PEX1: variants seen among roughly 807,000 people sequenced by gnomAD.
PEX1 encodes peroxisomal ATPase PEX1.
PEX1 carries 97 observed loss-of-function variants against 152.5 expected under a neutral mutation model. The observed-to-expected ratio is 0.64, with a 90% CI of 0.54 to 0.75. The LOEUF is 0.75. Ranked by LOEUF, PEX1 falls within the 30% of genes least tolerant of loss-of-function variation. PEX1 has a pLI of 0.00. For synonymous variants in PEX1, 485 were observed against 531.6 expected, an observed-to-expected ratio of 0.91 and a Z score of 1.21; for missense variants, 1,357 against 1,516.3, an observed-to-expected ratio of 0.89 and a Z score of 1.74.
Position 92,513,920 on chromosome 7 carries a change from T to G in PEX1, c.1287A>C (p.Val429=). The G allele has an allele frequency of 6.3e-7, 1 of 1,593,710 alleles. No homozygotes were observed. Among genetic ancestry groups the G allele is most frequent in the Non-Finnish European group, 8.6e-7 (1 of 1,162,280 alleles). Residue 429 remains valine (V), a synonymous_variant, in exon 6 of 24, where the codon GTA becomes GTC. Coordinates refer to ENST00000248633, the MANE Select transcript of PEX1 (RefSeq NM_000466.3). The part of the protein sequence containing the change: ...RKRLNIEMHA[V]VRITPVEVTP... Reference sequence around the variant, plus strand: ...TAACTTCCACTGGAGTTATCCTGACTACGGCATGCATTTCTATATTTAGTC... The same window carrying G: ...TAACTTCCACTGGAGTTATCCTGACGACGGCATGCATTTCTATATTTAGTC...
At position 92,511,560 on chromosome 7, in the gene PEX1, A is replaced by G; in HGVS notation, c.1483+20T>C. 1 of 1,599,238 alleles carries G rather than the reference A, an allele frequency of 6.3e-7. No homozygotes were observed. The highest frequency in any genetic ancestry group is 8.6e-7 in the Non-Finnish European group (1 of 1,169,088). On this transcript the variant is annotated intron_variant, in intron 7 of 23. Coordinates refer to ENST00000248633, the MANE Select transcript of PEX1 (RefSeq NM_000466.3). ...AACTATTTAAATAGAAAAAAAAGTC[A>G]AAATAACAAATGTACTCACCATCTT...
chr7:92,509,478 C>G, intron 8 of PEX1, 67 bp from the exon 9 acceptor site: 15 of 1,118,522 alleles, frequency 1.3e-5, no homozygotes, highest in Non-Finnish European at 1.9e-5. Context: ...TTCTCGGGTC[C>G]CAGAAAACTA....
At chr7:92,511,840 G>C in intron 6 of PEX1, 137 bp from the exon 7 acceptor site, 1 of 767,694 alleles carries the variant, frequency 1.3e-6, no homozygotes, top group Non-Finnish European at 2.1e-6. Context: ...ATGTTCTATA[G>C]GCACAGGTCT....
At chr7:92,500,393 A>G (rs1234912255) in intron 15 of PEX1, among the ~76,000 whole-genome samples, 3 of 152,142 alleles carry the variant, frequency 2.0e-5, no homozygotes, top group African/African-American at 4.8e-5. Flanking sequence ...AGGTATGCCT[A>G]TTTAGTTCCC....
chr7:92,489,768 ATC>A lies in PEX1; in HGVS notation c.3580_3581del (p.Asp1194SerfsTer36), dbSNP rs1160117945. On this transcript the variant is annotated frameshift_variant, in exon 22 of 24. Transcript: ENST00000248633. LOFTEE classifies it high-confidence loss of function. Reference sequence around the variant, plus strand: ...TAATACTGATATCTGCCCTCAGTTGATCTCTTTGTTCTTGTGTAAGTTCTTGG... The same window carrying A: ...TAATACTGATATCTGCCCTCAGTTGATCTTTGTTCTTGTGTAAGTTCTTGG... ...GCQELTQEQR[D>X]QLRADISIIK... 1 of 1,613,956 alleles carries A rather than the reference ATC, an allele frequency of 6.2e-7. No homozygotes were observed. The highest frequency in any genetic ancestry group is 8.5e-7 in the Non-Finnish European group (1 of 1,180,004).
chr7:92,502,966 G>A (rs368234554), intron 13 of PEX1, 75 bp downstream of exon 13: 45 of 1,269,194 alleles, frequency 3.5e-5, no homozygotes, highest in Middle Eastern at 2.0e-4. Context: ...TTAAAGCCAC[G>A]AATTACTAAT....
intron 17 of PEX1, among the ~76,000 whole-genome samples, chr7:92,496,085 G>T (rs369700975): frequency 2.6e-5 from 4 of 152,098 alleles, no homozygotes; most frequent in African/African-American, 7.2e-5. Context: ...AAACTCGGTG[G>T]TGAATACATG....
At position 92,523,403 on chromosome 7, in the gene PEX1, C is replaced by T. The variant is rs140617880; in HGVS notation, c.130-1158G>A. Among the ~76,000 whole-genome samples, 416 of 151,792 alleles carry T rather than the reference C, an allele frequency of 2.7e-3. 2 individuals are homozygous for T. Among genetic ancestry groups the T allele is most frequent in the African/African-American group, 9.3e-3 (385 of 41,394 alleles). On this transcript the variant is annotated intron_variant, in intron 1 of 23. Transcript: ENST00000248633. ...CTGGCACAATCATAGGTCACTGTAA[C>T]TTGAAACTCCTGGGCTCTAGCAATC...
intron 16 of PEX1, among the ~76,000 whole-genome samples, chr7:92,498,119 C>T (rs1325032900): frequency 6.9e-6 from 1 of 144,594 alleles, no homozygotes; most frequent in Non-Finnish European, 1.5e-5. Flanking sequence ...AACAAGGCAA[C>T]AGCCTGGCAC....
At position 92,503,026 on chromosome 7, in the gene PEX1, C is replaced by T. The variant is rs1585233285; in HGVS notation, c.2226+15G>A. 2 of 1,603,602 alleles carry T rather than the reference C, an allele frequency of 1.2e-6. No individual in the cohort carries two copies. Among genetic ancestry groups the T allele is most frequent in the South Asian group, 2.2e-5 (2 of 90,826 alleles). ...AAGGGACATAATTCAATAATCCTTA[C>T]AAGTAGTGTATTACCTGATTAGGAG... On this transcript the variant is annotated intron_variant, in intron 13 of 23. Transcript: ENST00000248633.
chr7:92,515,686 A>C (rs1249702408), intron 5 of PEX1, among the ~76,000 whole-genome samples: 2 of 152,174 alleles, frequency 1.3e-5, no homozygotes, highest in African/African-American at 2.4e-5. Flanking sequence ...CGGACAGTTT[A>C]AAGCTAACAG....
In PEX1 at chr7:92,503,065, G is replaced by A; in HGVS notation, c.2202C>T (p.Val734=). 1 of 1,613,608 alleles carries A rather than the reference G, an allele frequency of 6.2e-7. No individual in the cohort carries two copies. The highest frequency in any genetic ancestry group is 1.1e-5 in the South Asian group (1 of 91,068). ...SAQGVHIFQC[V]QHIQPPNQEQ... is the part of the protein sequence containing the mutation. ...CCTGATTAGGAGGCTGAATGTGTTGGACGCACTGAAATATGTGAACTCCTT... is the reference window on the plus strand; with the variant it reads ...CCTGATTAGGAGGCTGAATGTGTTGAACGCACTGAAATATGTGAACTCCTT... The change falls in exon 13 of 24, where the codon GTC becomes GTT. Residue 734 remains valine, a synonymous_variant. Transcript: ENST00000248633.
chr7:92,527,692 C>T (rs1793348175), intron 1 of PEX1, among the ~76,000 whole-genome samples: 1 of 152,220 alleles, frequency 6.6e-6, no homozygotes, highest in Non-Finnish European at 1.5e-5. Context: ...CGCTGTATCT[C>T]CACCAGTGGT....
At chr7:92,502,207 T>C in intron 13 of PEX1, 128 bp from the exon 14 acceptor site, 1 of 681,022 alleles carries the variant, frequency 1.5e-6, no homozygotes, top group Non-Finnish European at 2.6e-6. Flanking sequence ...TGTCTGGGGA[T>C]GGAGCAGGGG....
chr7:92,505,334 AC>A (rs1275948298), intron 11 of PEX1, among the ~76,000 whole-genome samples: 1 of 150,200 alleles, frequency 6.7e-6, no homozygotes, highest in Non-Finnish European at 1.5e-5. Context: ...AATTGCTTGA[AC>A]CTGGGAGGTG....
chr7:92,524,137 G>T (rs772919239), intron 1 of PEX1, among the ~76,000 whole-genome samples: 1 of 151,854 alleles, frequency 6.6e-6, no homozygotes, highest in Non-Finnish European at 1.5e-5. Flanking sequence ...GCCCAGGCTC[G>T]AGTACAGTGG....
chr7:92,501,403 G>A, intron 15 of PEX1, 104 bp downstream of exon 15: 1 of 861,158 alleles, frequency 1.2e-6, no homozygotes, highest in Non-Finnish European at 2.0e-6. Context: ...GTAAACACTT[G>A]TTGACTCACA....
chr7:92,493,151 T>C, intron 19 of PEX1, 22 bp from the exon 20 acceptor site: 3 of 1,381,876 alleles, frequency 2.2e-6, no homozygotes, highest in South Asian at 2.6e-5. Flanking sequence ...AAAATTTATT[T>C]AACAAATAAA....
chr7:92,507,195 C>A, intron 9 of PEX1, 69 bp from the exon 10 acceptor site: 1 of 1,393,948 alleles, frequency 7.2e-7, no homozygotes, highest in Non-Finnish European at 1.0e-6. Flanking sequence ...TAAAAAAATG[C>A]TGAATTTTGC....
Sources: gnomAD v4.1 joint callset for allele counts (sites outside exome capture counted in the v4.1 genomes callset) on GRCh38, gnomAD v4.1.1 for gene constraint, MANE v1.5 for transcripts, NCBI Gene and HGNC (gene_info 2026-07-23, HGNC 2026-07-21) for gene names.